Variants in USP10 observed in about 807,000 individuals in gnomAD.
The protein encoded by USP10 is ubiquitin specific peptidase 10, also known as ubiquitin carboxyl-terminal hydrolase 10.
Under a neutral mutation model 84.5 loss-of-function variants are expected in USP10, and 22 were observed. That is an observed-to-expected ratio of 0.26 (90% CI 0.19 to 0.37). USP10 has a LOEUF of 0.37. Among genes scored for constraint, USP10 ranks in the 10% least tolerant of loss-of-function variants. USP10 has a pLI of 1.00. For synonymous variants in USP10, 454 were observed against 387.6 expected, an observed-to-expected ratio of 1.17 and a Z score of -2.01; for missense variants, 1,019 against 998.9, an observed-to-expected ratio of 1.02 and a Z score of -0.27.
rs758744575 is a variant in USP10, at chr16:84,753,022, T to C, written c.1193-5694T>C. Among the ~76,000 whole-genome samples the C allele has an allele frequency of 1.1e-3, 165 of 152,296 alleles. 3 individuals are homozygous for C. Among genetic ancestry groups the C allele is most frequent in the Non-Finnish European group, 1.0e-3 (71 of 68,014 alleles). On this transcript the variant is annotated intron_variant, in intron 4 of 13. Coordinates refer to ENST00000219473, the MANE Select transcript of USP10 (RefSeq NM_005153.3). ...TGCTCATTCATTCAGGCTGGAGTGC[T>C]GTGGCATGATCATAGCTCACTGCAG...
At chr16:84,728,393 T>G (rs1908787188) in intron 1 of USP10, among the ~76,000 whole-genome samples, 1 of 151,864 alleles carries the variant, frequency 6.6e-6, no homozygotes, top group Non-Finnish European at 1.5e-5. Flanking sequence ...AGGCTGGAGT[T>G]CAGTGGTGCG....
At chr16:84,741,222 G>T (rs572294266) in intron 3 of USP10, among the ~76,000 whole-genome samples, 2 of 152,174 alleles carry the variant, frequency 1.3e-5, no homozygotes, top group South Asian at 4.1e-4. Context: ...GTAACATCAG[G>T]GAGTGATTAT....
At chr16:84,768,748 A>G (rs970261488) in intron 11 of USP10, among the ~76,000 whole-genome samples, 1 of 152,238 alleles carries the variant, frequency 6.6e-6, no homozygotes, top group African/African-American at 2.4e-5. Flanking sequence ...GATTCCAGAC[A>G]CATCTGTTTT....
At chr16:84,721,187 C>T (rs959105056) in intron 1 of USP10, among the ~76,000 whole-genome samples, 5 of 152,072 alleles carry the variant, frequency 3.3e-5, no homozygotes, top group African/African-American at 4.8e-5. Context: ...CCACCATGCC[C>T]GGCAATGATG....
chr16:84,757,570 A>C (rs1476321520), intron 4 of USP10, among the ~76,000 whole-genome samples: 1 of 152,166 alleles, frequency 6.6e-6, no homozygotes, highest in African/African-American at 2.4e-5. Context: ...GCTACTATCA[A>C]ATGTATGTAT....
intron 2 of USP10, 142 bp from the exon 3 acceptor site, chr16:84,740,167 C>T: frequency 1.6e-6 from 1 of 633,322 alleles, no homozygotes; most frequent in East Asian, 2.9e-5. Context: ...ACTGACTCTT[C>T]ATGTATGTTA....
At chr16:84,712,429 C>T (rs1906433741) in intron 1 of USP10, among the ~76,000 whole-genome samples, 1 of 152,228 alleles carries the variant, frequency 6.6e-6, no homozygotes, top group African/African-American at 2.4e-5. Context: ...CCCAGTGTCC[C>T]CACTGCCTAG....
At chr16:84,701,760 A>T (rs1231986231) in intron 1 of USP10, among the ~76,000 whole-genome samples, 3 of 152,208 alleles carry the variant, frequency 2.0e-5, no homozygotes, top group African/African-American at 7.2e-5. Context: ...TACGTTTTAT[A>T]CAACAGTCTA....
intron 12 of USP10, among the ~76,000 whole-genome samples, chr16:84,773,308 A>G (rs918392210): frequency 6.6e-6 from 1 of 152,204 alleles, no homozygotes; most frequent in Admixed American, 6.5e-5. Context: ...GTGATTAGCT[A>G]GAGAGGATTC....
chr16:84,777,410 C>T (rs980929644), intron 13 of USP10, among the ~76,000 whole-genome samples: 1 of 152,236 alleles, frequency 6.6e-6, no homozygotes, highest in African/African-American at 2.4e-5. Context: ...AGGTGAAGAT[C>T]TAGGACAGAA....
chr16:84,703,463 A>G (rs553334183), intron 1 of USP10, among the ~76,000 whole-genome samples: 1 of 152,338 alleles, frequency 6.6e-6, no homozygotes, highest in African/African-American at 2.4e-5. Context: ...ACATGATGGA[A>G]AGTCTTGGAT....
chr16:84,731,307 G>A (rs1410727679), intron 1 of USP10, among the ~76,000 whole-genome samples: 4 of 148,838 alleles, frequency 2.7e-5, no homozygotes, highest in East Asian at 2.0e-4. Context: ...TTAACTGCTC[G>A]TTGCAGAGCA....
At chr16:84,755,760 T>TG (rs1405171124) in intron 4 of USP10, among the ~76,000 whole-genome samples, 3 of 149,390 alleles carry the variant, frequency 2.0e-5, no homozygotes. Context: ...ATGGTGCCAC[T>TG]GCATTCCAGC....
At chr16:84,765,810 G>A (rs1348960097) in intron 10 of USP10, among the ~76,000 whole-genome samples, 1 of 152,188 alleles carries the variant, frequency 6.6e-6, no homozygotes, top group African/African-American at 2.4e-5. Flanking sequence ...CTGGGCACCT[G>A]GCTGTGTGCC....
intron 1 of USP10, 67 bp from the exon 2 acceptor site, chr16:84,733,368 G>A (rs767293546): frequency 4.0e-5 from 50 of 1,255,846 alleles, no homozygotes; most frequent in Non-Finnish European, 5.1e-5. Flanking sequence ...AAAATATGTA[G>A]CATTTTTTCT....
chr16:84,771,021 C>T (rs922509751), intron 11 of USP10, among the ~76,000 whole-genome samples: 2 of 149,540 alleles, frequency 1.3e-5, no homozygotes, highest in East Asian at 3.9e-4. Context: ...CGCACCACTG[C>T]ACTCCAGCCT....
chr16:84,711,249 G>GT (rs1307144174), intron 1 of USP10, among the ~76,000 whole-genome samples: 1 of 152,150 alleles, frequency 6.6e-6, no homozygotes, highest in East Asian at 1.9e-4. Context: ...AAAAAAACAT[G>GT]TTTTTAAAAA....
chr16:84,764,087 A>T lies in USP10; in HGVS notation c.1656A>T (p.Lys552Asn). The change falls in exon 10 of 14, where the codon AAA becomes AAT. Residue 552 changes from lysine (K) to asparagine (N), a missense_variant and splice_region_variant. Around this residue, in one of 2 missense-constraint regions of USP10, gnomAD observed 787 missense variants for 708.8 expected, o/e 1.11. Coordinates refer to ENST00000219473, the MANE Select transcript of USP10 (RefSeq NM_005153.3). ...LKKLLSPSNEKLTISNGPKNH... is the reference protein window; with the variant it reads ...LKKLLSPSNENLTISNGPKNH... ...GTAAGCAGATGCTCTCCTTTTCAGA[A>T]CTTACGATTTCCAACGGCCCCAAAA... 1.2e-6 allele frequency: 2 copies of T among 1,612,602 alleles called. No homozygotes were observed. The highest frequency in any genetic ancestry group is 1.7e-6 in the Non-Finnish European group (2 of 1,179,300).
chr16:84,773,059 A>G (rs879276275), intron 12 of USP10, among the ~76,000 whole-genome samples: 3 of 152,128 alleles, frequency 2.0e-5, no homozygotes, highest in Non-Finnish European at 4.4e-5. Flanking sequence ...AGTAAGAATG[A>G]TTTCTCATAG....
Sources: allele counts gnomAD v4.1 joint callset (sites outside exome capture counted in the v4.1 genomes callset), GRCh38; gene constraint gnomAD v4.1.1; regional missense constraint gnomAD v4.1.1; transcripts MANE v1.5; gene names NCBI Gene and HGNC (gene_info 2026-07-23, HGNC 2026-07-21).